Variants in LDB1 observed in about 807,000 individuals in gnomAD.
LDB1 encodes LIM domain binding 1.
LDB1 carries 6 observed loss-of-function variants against 49.7 expected under a neutral mutation model. The observed-to-expected ratio is 0.12, with a 90% CI of 0.07 to 0.24. LDB1 has a LOEUF of 0.24. Among genes scored for constraint, LDB1 ranks in the 10% least tolerant of loss-of-function variants. The pLI, the probability that LDB1 is intolerant of heterozygous loss-of-function variation, is 1.00. For missense variants in LDB1, 341 were observed against 561.7 expected (o/e 0.61, Z 3.97); for synonymous variants, 233 against 202.0 (o/e 1.15, Z -1.30).
At chr10:102,103,945 T>C (rs1278808367), downstream of LDB1, among the ~76,000 whole-genome samples, 1 of 152,074 alleles carries the variant, frequency 6.6e-6, no homozygotes, top group East Asian at 1.9e-4. Flanking sequence ...GTCATGTGCC[T>C]GTAGTCCCAG....
rs1346638217 is a variant in LDB1, at chr10:102,106,496, G to A, written c.*1597C>T. Among the ~76,000 whole-genome samples the A allele has an allele frequency of 6.1e-5, 7 of 114,666 alleles. No homozygotes were observed. The highest frequency in any genetic ancestry group is 3.0e-4 in the East Asian group (1 of 3,292). The allele number at this position is 114,666 out of a possible 152,430, so 75.2% of individuals were successfully genotyped here. On this transcript the variant is annotated 3_prime_UTR_variant, in exon 11 of 11. Transcript: ENST00000673968. ...TGACCAACCAGGACACTCTCAAACC[G>A]AAAAGTCTCTTTATTGATTGGTACC...
chr10:102,115,833 TAGC>T (rs1397057735), intron 1 of LDB1, among the ~76,000 whole-genome samples: 1 of 152,126 alleles, frequency 6.6e-6, no homozygotes, highest in Admixed American at 6.6e-5. Flanking sequence ...AATTTTGTTG[TAGC>T]AGGAGGGAAT....
At chr10:102,108,549 T>C (rs1039751603) in intron 10 of LDB1, among the ~76,000 whole-genome samples, 3 of 152,126 alleles carry the variant, frequency 2.0e-5, no homozygotes, top group East Asian at 1.9e-4. Context: ...CATTACATTC[T>C]AGAAGTCACT....
rs1300183004 is a variant in LDB1 at position 102,109,121 on chromosome 10, T to C, written c.913A>G (p.Ser305Gly). 2 of 1,614,076 alleles carry C rather than the reference T, an allele frequency of 1.2e-6. No individual in the cohort carries two copies. Among genetic ancestry groups the C allele is most frequent in the East Asian group, 4.5e-5 (2 of 44,900 alleles). ...TTGCCACCACCAGAGCTCATGGTGCTGCCCCCTGACATCTTCCGTTTCCGC... is the reference window on the plus strand; with the variant it reads ...TTGCCACCACCAGAGCTCATGGTGCCGCCCCCTGACATCTTCCGTTTCCGC... Reference protein sequence around the residue: ...KRRKRKMSGGSTMSSGGGNTN... With the variant: ...KRRKRKMSGGGTMSSGGGNTN... The change falls in exon 10 of 11, where the codon AGC (serine) becomes GGC (glycine). Residue 305 changes from serine to glycine, a missense_variant. Ser to Gly is a moderately conservative substitution (Grantham distance 56). Transcript: ENST00000673968. This position sits in a 1 kb window ranked among gnomAD's most constrained non-coding sequence, Gnocchi z 5.8.
At chr10:102,116,695 C>T (rs955864335) in intron 1 of LDB1, among the ~76,000 whole-genome samples, 1 of 152,150 alleles carries the variant, frequency 6.6e-6, no homozygotes, top group East Asian at 1.9e-4. Context: ...AAATCACCCT[C>T]TCTGAAGCCT....
rs754425950 is a variant in LDB1 at position 102,110,716 on chromosome 10, C to T, written c.353-15G>A. On this transcript the variant is annotated splice_polypyrimidine_tract_variant and intron_variant, in intron 5 of 10. Transcript: ENST00000673968. ...CCGGCCAATGGCTGTAGAGATGGGA[C>T]AAACTCTTCAGGACAAAGGGACCGC... 6.2e-7 allele frequency: 1 copy of T among 1,609,240 alleles called. No homozygotes were observed. Among genetic ancestry groups the T allele is most frequent in the South Asian group, 1.1e-5 (1 of 90,508 alleles).
At chr10:102,118,256 A>G (rs1171330581) in intron 1 of LDB1, among the ~76,000 whole-genome samples, 1 of 152,088 alleles carries the variant, frequency 6.6e-6, no homozygotes, top group East Asian at 1.9e-4. Context: ...TTCTCCTTGA[A>G]GTCTAACCTC....
At chr10:102,113,845 C>A (rs972127063) in intron 1 of LDB1, among the ~76,000 whole-genome samples, 1 of 152,012 alleles carries the variant, frequency 6.6e-6, no homozygotes, top group Admixed American at 6.6e-5. Context: ...GTAAATAGCT[C>A]TGAGGAGCTA....
chr10:102,108,017 A>G lies in LDB1; in HGVS notation c.*76T>C. 2 of 1,163,710 alleles carry G rather than the reference A, an allele frequency of 1.7e-6. No individual in the cohort carries two copies. The highest frequency in any genetic ancestry group is 2.5e-6 in the Non-Finnish European group (2 of 784,822). 72.1% of individuals were successfully genotyped at this position (1,163,710 alleles called of 1,614,324 possible). ...CCCATTTTAGATGCTCAGTCTCTTCATTCTGTCTTCTGCTCCCTGGGGCTG... is the reference window on the plus strand; with the variant it reads ...CCCATTTTAGATGCTCAGTCTCTTCGTTCTGTCTTCTGCTCCCTGGGGCTG... On this transcript the variant is annotated 3_prime_UTR_variant, in exon 11 of 11. Coordinates refer to ENST00000673968, the MANE Select transcript of LDB1 (RefSeq NM_001113407.3).
chr10:102,112,965 G>A (rs991708605), intron 1 of LDB1, among the ~76,000 whole-genome samples: 1 of 152,186 alleles, frequency 6.6e-6, no homozygotes, highest in Non-Finnish European at 1.5e-5. Flanking sequence ...TCACCAGATA[G>A]GAGGGGAAAC....
intron 1 of LDB1, among the ~76,000 whole-genome samples, chr10:102,112,384 C>A (rs2068268629): frequency 6.6e-6 from 1 of 152,168 alleles, no homozygotes. Flanking sequence ...TATACTCTTT[C>A]TACCATCTGA....
At chr10:102,116,460 T>C (rs771877680) in intron 1 of LDB1, among the ~76,000 whole-genome samples, 6 of 152,106 alleles carry the variant, frequency 3.9e-5, no homozygotes, top group Admixed American at 1.3e-4. Context: ...GTATTACAGA[T>C]GTGAGCCACC....
chr10:102,112,586 T>C (rs1045293718), intron 1 of LDB1, among the ~76,000 whole-genome samples: 2 of 151,972 alleles, frequency 1.3e-5, no homozygotes, highest in African/African-American at 4.8e-5. Context: ...CACTCCCTTA[T>C]CAGCCCAGCC....
chr10:102,111,728 G>C (rs1274120310), intron 1 of LDB1, among the ~76,000 whole-genome samples, 192 bp from the exon 2 acceptor site: 1 of 152,184 alleles, frequency 6.6e-6, no homozygotes, highest in African/African-American at 2.4e-5. Flanking sequence ...GTGCATGCCT[G>C]TGGTTCCAGC....
At chr10:102,118,726 T>C (rs572537366) in intron 1 of LDB1, among the ~76,000 whole-genome samples, 3 of 152,236 alleles carry the variant, frequency 2.0e-5, no homozygotes, top group African/African-American at 7.2e-5. Flanking sequence ...GCTAAGAACA[T>C]GATGGATCTG....
intron 1 of LDB1, among the ~76,000 whole-genome samples, chr10:102,115,155 C>T (rs1401761179): frequency 6.6e-6 from 1 of 152,044 alleles, no homozygotes; most frequent in Non-Finnish European, 1.5e-5. Context: ...AGACAGGGGA[C>T]GGATCAGATT....
Position 102,109,513 on chromosome 10 carries a change from G to A in LDB1, c.733-6C>T, listed in dbSNP as rs2068218734. On this transcript the variant is annotated splice_polypyrimidine_tract_variant and splice_region_variant and intron_variant, in intron 8 of 10. Transcript: ENST00000673968. The surrounding 1 kb of genome is among the most constrained non-coding windows in gnomAD (Gnocchi z 5.8). ...GGCTCGAGTATCACACAGAGCTAGG[G>A]GTAGACAAGGAGGTGGCTTGTCAGG... The A allele has an allele frequency of 1.2e-6, 2 of 1,614,140 alleles. No homozygotes were observed. Among genetic ancestry groups the A allele is most frequent in the South Asian group, 1.1e-5 (1 of 91,072 alleles).
rs1335771115 is a variant in LDB1 at position 102,109,593 on chromosome 10, G to C, written c.732+7C>G. On this transcript the variant is annotated splice_region_variant and intron_variant, in intron 8 of 10. Coordinates refer to ENST00000673968, the MANE Select transcript of LDB1 (RefSeq NM_001113407.3). This position sits in a 1 kb window ranked among gnomAD's most constrained non-coding sequence, Gnocchi z 5.8. ...CTGGGGCAGAAACTGGGTGGTCGGA[G>C]ACTCACTCGGAGGTAGTTGAGAGTG... The C allele has an allele frequency of 1.2e-6, 2 of 1,613,936 alleles. No homozygotes were observed. Among genetic ancestry groups the C allele is most frequent in the African/African-American group, 2.7e-5 (2 of 74,898 alleles).
intron 2 of LDB1, 54 bp from the exon 3 acceptor site, chr10:102,111,354 G>A: frequency 6.2e-7 from 1 of 1,602,032 alleles, no homozygotes; most frequent in Non-Finnish European, 8.6e-7. Context: ...AATTATTGGG[G>A]GCAGGGGGCT....
Sources: gnomAD v4.1 joint callset for allele counts (sites outside exome capture counted in the v4.1 genomes callset) on GRCh38, gnomAD v4.1.1 for gene constraint, Gnocchi (gnomAD v3.1) non-coding constraint, MANE v1.5 for transcripts, NCBI Gene and HGNC (gene_info 2026-07-23, HGNC 2026-07-21) for gene names.